Variants in EPHA4 observed in about 807,000 individuals in gnomAD.
The protein encoded by EPHA4 is ephrin type-A receptor 4.
Under a neutral mutation model 108.3 loss-of-function variants are expected in EPHA4, and 19 were observed. The ratio of observed to expected loss-of-function variants is 0.18; its 90% CI spans 0.12 to 0.26. The LOEUF is 0.26. EPHA4 is among the 10% of genes least tolerant of loss of function. The pLI, the probability that EPHA4 is intolerant of heterozygous loss-of-function variation, is 1.00. For missense variants in EPHA4, 917 were observed against 1,254.0 expected, an observed-to-expected ratio of 0.73 and a Z score of 4.06; for synonymous variants, 449 against 455.5, an observed-to-expected ratio of 0.99 and a Z score of 0.18.
rs1559278037 is a variant in EPHA4, at chr2:221,522,751, TA to T, written c.824-21580del. 8.4e-4 allele frequency among the ~76,000 whole-genome samples: 31 copies of T among 37,074 alleles called. 1 individual carries two copies. The highest frequency in any genetic ancestry group is 2.8e-3 in the African/African-American group (13 of 4,658). The allele number at this position is 37,074 out of a possible 152,430, so 24.3% of individuals were successfully genotyped here. The stretch of plus-strand genomic sequence containing the variant: ...AATAAAATCCTATTATTATTATTAT[TA>T]TTATTATTATTATTATTATTATTTT... On this transcript the variant is annotated intron_variant, in intron 3 of 17. Coordinates refer to ENST00000281821, the MANE Select transcript of EPHA4 (RefSeq NM_004438.5).
At chr2:221,475,789 T>C (rs1691636472) in intron 5 of EPHA4, among the ~76,000 whole-genome samples, 1 of 152,262 alleles carries the variant, frequency 6.6e-6, no homozygotes, top group Non-Finnish European at 1.5e-5. Flanking sequence ...TTTTTTATTA[T>C]GTTGAACCCA....
chr2:221,559,671 A>T (rs570606214), intron 3 of EPHA4, among the ~76,000 whole-genome samples: 1 of 152,222 alleles, frequency 6.6e-6, no homozygotes, highest in Non-Finnish European at 1.5e-5. Context: ...ACATTTCTTC[A>T]TTAGGGGTAT....
intron 5 of EPHA4, among the ~76,000 whole-genome samples, chr2:221,462,434 TTTC>T (rs899390520): frequency 1.3e-5 from 2 of 152,080 alleles, no homozygotes; most frequent in Non-Finnish European, 2.9e-5. Context: ...TTGTCTCTCA[TTTC>T]TTCTTCTTTT....
chr2:221,447,094 T>G (rs1690616277), intron 8 of EPHA4, among the ~76,000 whole-genome samples: 2 of 152,048 alleles, frequency 1.3e-5, no homozygotes, highest in Admixed American at 6.6e-5. Context: ...ACATAGTGAG[T>G]CAGGAGAATA....
At position 221,437,115 on chromosome 2, in the gene EPHA4, T is replaced by G; in HGVS notation, c.2082A>C (p.Pro694=). Reference sequence around the variant, plus strand: ...CCATGTACTCTGTTATGATCATTACTGGTTTACCTAGAGTTTTCAGAAAGA... The same window carrying G: ...CCATGTACTCTGTTATGATCATTACGGGTTTACCTAGAGTTTTCAGAAAGA... ...HLEGVVTKCK[P]VMIITEYMEN... Residue 694 remains proline, a synonymous_variant, in exon 12 of 18, where the codon CCA becomes CCC. Coordinates refer to ENST00000281821, the MANE Select transcript of EPHA4 (RefSeq NM_004438.5). The G allele has an allele frequency of 6.2e-7, 1 of 1,612,028 alleles. No homozygotes were observed.
intron 11 of EPHA4, among the ~76,000 whole-genome samples, chr2:221,439,738 CGA>C (rs1345784368): frequency 6.6e-6 from 1 of 152,040 alleles, no homozygotes; most frequent in African/African-American, 2.4e-5. Flanking sequence ...TGTCAACTAA[CGA>C]GAAAGGGCAG....
At position 221,538,764 on chromosome 2, in the gene EPHA4, G is replaced by C. The variant is rs115131971; in HGVS notation, c.823+24967C>G. Among the ~76,000 whole-genome samples, 714 of 152,216 alleles carry C rather than the reference G, an allele frequency of 4.7e-3. 4 individuals are homozygous for C. Among genetic ancestry groups the C allele is most frequent in the African/African-American group, 0.016 (673 of 41,530 alleles). On this transcript the variant is annotated intron_variant, in intron 3 of 17. Coordinates refer to ENST00000281821, the MANE Select transcript of EPHA4 (RefSeq NM_004438.5). ...TACTGCTTTCTCACTGAAAATACAT[G>C]ATGTATTCGGTGAGTATGCTTCAAA...
intron 4 of EPHA4, among the ~76,000 whole-genome samples, chr2:221,495,952 T>C: frequency 6.6e-6 from 1 of 152,128 alleles, no homozygotes; most frequent in East Asian, 1.9e-4. Flanking sequence ...GACAGCATAA[T>C]GAACAAAGAA....
chr2:221,428,092 A>C (rs1204546101), intron 15 of EPHA4, among the ~76,000 whole-genome samples: 2 of 152,240 alleles, frequency 1.3e-5, no homozygotes, highest in Admixed American at 6.5e-5. Context: ...TTGGACATTT[A>C]ATTGAGTGTG....
chr2:221,535,788 G>A (rs61400827), intron 3 of EPHA4, among the ~76,000 whole-genome samples: 1 of 152,090 alleles, frequency 6.6e-6, no homozygotes, highest in Non-Finnish European at 1.5e-5. Context: ...CCTTTGGTTG[G>A]ATGAAATATC....
intron 4 of EPHA4, among the ~76,000 whole-genome samples, chr2:221,488,161 C>T (rs926785262): frequency 6.6e-6 from 1 of 152,094 alleles, no homozygotes; most frequent in Non-Finnish European, 1.5e-5. Flanking sequence ...TCCAAGAAAA[C>T]TTATTTGCAA....
intron 2 of EPHA4, among the ~76,000 whole-genome samples, chr2:221,567,674 A>C (rs1340434616): frequency 2.0e-4 from 30 of 152,338 alleles, no homozygotes; most frequent in Non-Finnish European, 4.4e-5. Context: ...TTTCTTGCTT[A>C]GTCTTAGTTC....
At chr2:221,511,661 G>T (rs1322457871) in intron 3 of EPHA4, among the ~76,000 whole-genome samples, 1 of 152,076 alleles carries the variant, frequency 6.6e-6, no homozygotes, top group Non-Finnish European at 1.5e-5. Context: ...ATTTAATTTG[G>T]CTGAAGTTGC....
At chr2:221,482,274 A>C in intron 5 of EPHA4, 78 bp downstream of exon 5, 1 of 1,290,120 alleles carries the variant, frequency 7.8e-7, no homozygotes. Flanking sequence ...CAATTATAGC[A>C]ATTTATTATA....
At position 221,418,561 on chromosome 2, in the gene EPHA4, T is replaced by C. The variant is rs3087584; in HGVS notation, c.*2811A>G. The C allele has an allele frequency of 0.46, 70,223 of 152,534 alleles. 16,833 individuals are homozygous for C. Among genetic ancestry groups the C allele is most frequent in the African/African-American group, 0.59 (24,367 of 41,472 alleles). 9.4% of individuals were successfully genotyped at this position (152,534 alleles called of 1,614,324 possible). ...AGATTGAATACAAGAGGTCTCAGAATGCACACACCAGCAGTGTAGCGAGCA... is the reference window on the plus strand; with the variant it reads ...AGATTGAATACAAGAGGTCTCAGAACGCACACACCAGCAGTGTAGCGAGCA... On this transcript the variant is annotated 3_prime_UTR_variant, in exon 18 of 18. Transcript: ENST00000281821.
intron 3 of EPHA4, among the ~76,000 whole-genome samples, chr2:221,556,471 A>ATTTTTTTTTTT (rs1225934215): frequency 8.8e-6 from 1 of 113,758 alleles, no homozygotes; most frequent in Non-Finnish European, 1.9e-5. Flanking sequence ...TAATTTTTGT[A>ATTTTTTTTTTT]TTTTTTTTTT....
intron 5 of EPHA4, among the ~76,000 whole-genome samples, chr2:221,472,380 T>C (rs1210184225): frequency 6.6e-6 from 1 of 151,646 alleles, no homozygotes; most frequent in African/African-American, 2.4e-5. Context: ...AAAACACAAA[T>C]TCTCCAGGGA....
In EPHA4 at chr2:221,437,112, T is replaced by TC; in HGVS notation, c.2084_2085insG (p.Met696AsnfsTer20). On this transcript the variant is annotated frameshift_variant, in exon 12 of 18. Transcript: ENST00000281821. LOFTEE classifies it high-confidence loss of function. ...TCTCCATGTACTCTGTTATGATCAT[T>TC]ACTGGTTTACCTAGAGTTTTCAGAA... is the stretch of plus-strand genomic sequence containing the variant. 6.2e-7 allele frequency: 1 copy of TC among 1,612,012 alleles called. No individual in the cohort carries two copies.
chr2:221,563,313 A>G (rs1185237437), intron 3 of EPHA4, among the ~76,000 whole-genome samples: 1 of 152,214 alleles, frequency 6.6e-6, no homozygotes, highest in African/African-American at 2.4e-5. Flanking sequence ...TAGATCATTC[A>G]CGCACTTATG....
Sources: allele counts gnomAD v4.1 joint callset (sites outside exome capture counted in the v4.1 genomes callset), GRCh38; gene constraint gnomAD v4.1.1; transcripts MANE v1.5; gene names NCBI Gene and HGNC (gene_info 2026-07-23, HGNC 2026-07-21).